Variants in ANKRD17 observed in about 807,000 individuals in gnomAD.
ANKRD17 encodes the protein ankyrin repeat domain-containing protein 17.
ANKRD17 carries 19 observed loss-of-function variants against 229.7 expected under a neutral mutation model. The observed-to-expected ratio is 0.08, with a 90% confidence interval of 0.06 to 0.12. ANKRD17 has a LOEUF of 0.12. Among genes scored for constraint, ANKRD17 ranks in the 10% least tolerant of loss-of-function variants. The pLI, the probability that ANKRD17 is intolerant of heterozygous loss-of-function variation, is 1.00. For missense variants in ANKRD17, 2,176 were observed against 3,176.8 expected, an observed-to-expected ratio of 0.68 and a Z score of 7.57; for synonymous variants, 1,112 against 1,146.1, an observed-to-expected ratio of 0.97 and a Z score of 0.60.
chr4:73,098,530 T>C lies in ANKRD17; in HGVS notation c.4574-10A>G, dbSNP rs771721511. 15 of 1,604,320 alleles carry C rather than the reference T, an allele frequency of 9.3e-6. No individual in the cohort carries two copies. Among genetic ancestry groups the C allele is most frequent in the Admixed American group, 5.2e-5 (3 of 58,054 alleles). ...AAGACTTCAGGCTCATCTGTAAAAG[T>C]AGCAATACTGAATTAGCAAGTTCTA... On this transcript the variant is annotated splice_polypyrimidine_tract_variant and intron_variant, in intron 25 of 33. Transcript: ENST00000358602.
chr4:73,094,333 GA>G, intron 27 of ANKRD17, 105 bp from the exon 28 acceptor site: 1 of 1,004,504 alleles, frequency 1.0e-6, no homozygotes, highest in Non-Finnish European at 1.4e-6. Flanking sequence ...TATAAATACA[GA>G]ATATTGTTGA....
At chr4:73,203,262 A>G (rs1020621560) in intron 1 of ANKRD17, among the ~76,000 whole-genome samples, 2 of 152,182 alleles carry the variant, frequency 1.3e-5, no homozygotes, top group African/African-American at 4.8e-5. Context: ...TTTTTAGTAG[A>G]AAATGCCTCA....
chr4:73,184,528 CAAAAAAAAAA>C (rs776930137), intron 1 of ANKRD17, among the ~76,000 whole-genome samples: 62 of 29,972 alleles, frequency 2.1e-3, no homozygotes, highest in African/African-American at 6.4e-3. Flanking sequence ...GACTTCCTCT[CAAAAAAAAAA>C]AAAAAAAAAA....
At chr4:73,098,015 A>G (rs1392317794) in intron 26 of ANKRD17, 58 bp downstream of exon 26, 14 of 1,456,332 alleles carry the variant, frequency 9.6e-6, no homozygotes, top group Non-Finnish European at 1.2e-5. Context: ...CAACAAATTC[A>G]GTAATAAGGT....
chr4:73,223,186 G>T, intron 1 of ANKRD17: 1 of 600,524 alleles, frequency 1.7e-6, no homozygotes, highest in Non-Finnish European at 2.7e-6. Context: ...AAAGAGCAGG[G>T]GGTGACTCAC....
intron 7 of ANKRD17, among the ~76,000 whole-genome samples, chr4:73,150,297 C>A (rs1730843051): frequency 6.6e-6 from 1 of 152,164 alleles, no homozygotes; most frequent in Non-Finnish European, 1.5e-5. Context: ...ACTTCCAGTG[C>A]ATGTTGGCTA....
chr4:73,187,600 T>G (rs1736471400), intron 1 of ANKRD17, among the ~76,000 whole-genome samples: 1 of 152,152 alleles, frequency 6.6e-6, no homozygotes, highest in Non-Finnish European at 1.5e-5. Context: ...GGACTTAAAC[T>G]CTCAAAAATT....
chr4:73,149,269 G>A (rs1730683043), intron 7 of ANKRD17, among the ~76,000 whole-genome samples: 1 of 151,320 alleles, frequency 6.6e-6, no homozygotes, highest in Non-Finnish European at 1.5e-5. Flanking sequence ...AAAATAAGTA[G>A]AAACATGATA....
At chr4:73,211,849 A>G (rs1243706950) in intron 1 of ANKRD17, among the ~76,000 whole-genome samples, 1 of 141,776 alleles carries the variant, frequency 7.1e-6, no homozygotes, top group Non-Finnish European at 1.5e-5. Flanking sequence ...CTCTGTCTCA[A>G]AAAAAAAAAA....
intron 16 of ANKRD17, among the ~76,000 whole-genome samples, chr4:73,127,380 A>C (rs1330775509): frequency 1.3e-5 from 2 of 152,310 alleles, no homozygotes; most frequent in Non-Finnish European, 2.9e-5. Context: ...TATTAAATTA[A>C]ATTAAATATA....
intron 5 of ANKRD17, 94 bp downstream of exon 5, chr4:73,155,537 C>A: frequency 7.1e-7 from 1 of 1,414,140 alleles, no homozygotes; most frequent in Non-Finnish European, 9.8e-7. Flanking sequence ...AATAAGAGAA[C>A]TGAAAAATTA....
chr4:73,212,775 G>C (rs1407591710), intron 1 of ANKRD17, among the ~76,000 whole-genome samples: 2 of 151,898 alleles, frequency 1.3e-5, no homozygotes, highest in Non-Finnish European at 2.9e-5. Flanking sequence ...CGGCACTTTG[G>C]GAGGCCAAGG....
chr4:73,194,277 T>TA (rs1459409512), intron 1 of ANKRD17, among the ~76,000 whole-genome samples: 2 of 152,208 alleles, frequency 1.3e-5, no homozygotes, highest in Non-Finnish European at 2.9e-5. Context: ...TTTTTGCACA[T>TA]AGTGCCAAGG....
intron 1 of ANKRD17, among the ~76,000 whole-genome samples, chr4:73,220,186 A>G (rs1045896687): frequency 6.6e-6 from 1 of 152,188 alleles, no homozygotes; most frequent in Non-Finnish European, 1.5e-5. Context: ...TTCTAAAATT[A>G]TAATCATGTC....
intron 22 of ANKRD17, among the ~76,000 whole-genome samples, chr4:73,116,843 T>C (rs1726022327): frequency 6.6e-6 from 1 of 151,900 alleles, no homozygotes; most frequent in Non-Finnish European, 1.5e-5. Flanking sequence ...TATAGACATA[T>C]ATACACAACA....
At chr4:73,257,884 C>G (rs1001089046) in intron 1 of ANKRD17, among the ~76,000 whole-genome samples, 4 of 152,058 alleles carry the variant, frequency 2.6e-5, no homozygotes, top group African/African-American at 9.7e-5. Context: ...GACTCATTTA[C>G]CCATTATTTT....
chr4:73,154,225 TA>T, intron 5 of ANKRD17, 112 bp from the exon 6 acceptor site: 1 of 529,936 alleles, frequency 1.9e-6, no homozygotes, highest in South Asian at 5.2e-5. Context: ...TAATAAATAT[TA>T]AATTACATAT....
intron 16 of ANKRD17, 95 bp from the exon 17 acceptor site, chr4:73,125,407 A>AT (rs1267738487): frequency 2.9e-5 from 26 of 895,490 alleles, no homozygotes; most frequent in Non-Finnish European, 4.3e-5. Context: ...ACACAAATAC[A>AT]TATGTACCAC....
At chr4:73,118,971 C>G in intron 21 of ANKRD17, 121 bp from the exon 22 acceptor site, 2 of 1,026,096 alleles carry the variant, frequency 1.9e-6, no homozygotes, top group Non-Finnish European at 2.8e-6. Context: ...ACTGCAGCCT[C>G]CACCTCCAGG....
Sources: allele counts gnomAD v4.1 joint callset (sites outside exome capture counted in the v4.1 genomes callset), GRCh38; gene constraint gnomAD v4.1.1; transcripts MANE v1.5; gene names NCBI Gene and HGNC (gene_info 2026-07-23, HGNC 2026-07-21).